Variants in CNTNAP2 observed in about 807,000 individuals in gnomAD.
CNTNAP2 encodes the protein contactin associated protein 2.
Under a neutral mutation model 155.2 loss-of-function variants are expected in CNTNAP2, and 98 were observed. The ratio of observed to expected loss-of-function variants is 0.63; its 90% CI spans 0.54 to 0.75. The LOEUF (loss-of-function observed/expected upper bound fraction) is 0.75. Among genes scored for constraint, CNTNAP2 ranks in the 30% least tolerant of loss-of-function variants. The pLI is 0.00. For synonymous variants in CNTNAP2, 651 were observed against 631.2 expected (o/e 1.03, Z -0.47); for missense variants, 1,727 against 1,688.1 (o/e 1.02, Z -0.40).
At chr7:146,190,177 A>T (rs1380762028) in intron 1 of CNTNAP2, among the ~76,000 whole-genome samples, 1 of 152,198 alleles carries the variant, frequency 6.6e-6, no homozygotes, top group East Asian at 1.9e-4. Flanking sequence ...GTTAATTAGG[A>T]GACTGAACAT....
intron 1 of CNTNAP2, among the ~76,000 whole-genome samples, chr7:146,349,264 A>G (rs939463797): frequency 1.4e-5 from 2 of 138,736 alleles, no homozygotes; most frequent in African/African-American, 6.8e-5. Context: ...GAGGTCATAC[A>G]TAGGTGTCCG....
chr7:146,947,455 T>TTTCTATATATATTGTATATATA, intron 3 of CNTNAP2, among the ~76,000 whole-genome samples: 1 of 143,446 alleles, frequency 7.0e-6, no homozygotes, highest in African/African-American at 2.6e-5. Flanking sequence ...CACATATATC[T>TTTCTATATATATTGTATATATA]TTCTATATAT....
intron 13 of CNTNAP2, among the ~76,000 whole-genome samples, chr7:147,866,318 T>C (rs1799226022): frequency 6.6e-6 from 1 of 152,212 alleles, no homozygotes; most frequent in Non-Finnish European, 1.5e-5. Flanking sequence ...TTCTATTTGC[T>C]GAGGAGTGTT....
At chr7:147,587,154 C>T (rs6967525) in intron 12 of CNTNAP2, among the ~76,000 whole-genome samples, 105,243 of 152,046 alleles carry the variant, frequency 0.69, 36,986 homozygotes, top group African/African-American at 0.81. Context: ...CCACAGCTAC[C>T]TCTTCATTAG....
intron 10 of CNTNAP2, among the ~76,000 whole-genome samples, chr7:147,397,875 C>G (rs1796845712): frequency 6.6e-6 from 1 of 151,564 alleles, no homozygotes; most frequent in African/African-American, 2.4e-5. Flanking sequence ...TTTAGGATGA[C>G]AAATGAAAAG....
intron 9 of CNTNAP2, among the ~76,000 whole-genome samples, chr7:147,340,501 C>T (rs1374900102): frequency 2.6e-5 from 4 of 152,118 alleles, no homozygotes; most frequent in Admixed American, 1.3e-4. Flanking sequence ...CTAGATGCTA[C>T]ATTTGCACAT....
intron 10 of CNTNAP2, among the ~76,000 whole-genome samples, chr7:147,464,832 C>T (rs1380803965): frequency 6.6e-6 from 1 of 152,302 alleles, no homozygotes; most frequent in East Asian, 1.9e-4. Flanking sequence ...AGATCTTCAA[C>T]CATATTCATA....
At chr7:147,242,318 C>T (rs1404006551) in intron 8 of CNTNAP2, among the ~76,000 whole-genome samples, 1 of 152,146 alleles carries the variant, frequency 6.6e-6, no homozygotes, top group African/African-American at 2.4e-5. Context: ...AAAAACATTT[C>T]CTTTGCCAAG....
rs138014299 is a variant in CNTNAP2 at position 147,606,812 on chromosome 7, C to G, written c.1898-32294C>G. Among the ~76,000 whole-genome samples, 1,276 of 152,156 alleles carry G rather than the reference C, an allele frequency of 8.4e-3. 10 individuals are homozygous for G. Among genetic ancestry groups the G allele is most frequent in the Non-Finnish European group, 0.014 (932 of 67,918 alleles). ...TTGGGAAGTGATTGGTATTTTCTGA[C>G]AAGTGCTTTGAAGCTGAGACCTAAG... is the stretch of plus-strand genomic sequence containing the variant. On this transcript the variant is annotated intron_variant, in intron 12 of 23. Transcript: ENST00000361727.
chr7:147,100,141 G>T (rs1156758997), intron 4 of CNTNAP2, among the ~76,000 whole-genome samples: 1 of 152,026 alleles, frequency 6.6e-6, no homozygotes, highest in African/African-American at 2.4e-5. Flanking sequence ...TGTGTATGGG[G>T]GGTGTATGTG....
chr7:148,227,452 G>A (rs1795873220), intron 19 of CNTNAP2, among the ~76,000 whole-genome samples: 1 of 152,156 alleles, frequency 6.6e-6, no homozygotes, highest in African/African-American at 2.4e-5. Context: ...TTAAAGAGGA[G>A]GCTGACTAAG....
In CNTNAP2 at chr7:147,902,792, G is replaced by GTGTGTGTGTGTA. The variant is rs1274450290; in HGVS notation, c.2099-762_2099-761insATGTGTGTGTGT. Among the ~76,000 whole-genome samples, 5 of 137,568 alleles carry GTGTGTGTGTGTA rather than the reference G, an allele frequency of 3.6e-5. No homozygotes were observed. The East Asian group carries it at 7.6e-4, about 21-fold the overall frequency. 90.2% of individuals were successfully genotyped at this position (137,568 alleles called of 152,430 possible). On this transcript the variant is annotated intron_variant, in intron 13 of 23. Transcript: ENST00000361727. The stretch of plus-strand genomic sequence containing the variant: ...ATCATATATGTTTGTGTGTGTGTGT[G>GTGTGTGTGTGTA]TGTGTGTGTGTGTGTGTGTGTATGT...
intron 2 of CNTNAP2, among the ~76,000 whole-genome samples, chr7:146,803,501 G>T (rs1802916802): frequency 6.6e-6 from 1 of 152,114 alleles, no homozygotes; most frequent in South Asian, 2.1e-4. Flanking sequence ...CAGCAATGGT[G>T]CATTTTCATC....
At chr7:147,789,902 CT>C (rs1204133207) in intron 13 of CNTNAP2, among the ~76,000 whole-genome samples, 1 of 152,194 alleles carries the variant, frequency 6.6e-6, no homozygotes, top group Non-Finnish European at 1.5e-5. Context: ...GTTCTGTCGG[CT>C]TTCCTACTTT....
At chr7:147,965,375 T>G (rs1357111675) in intron 14 of CNTNAP2, among the ~76,000 whole-genome samples, 1 of 151,950 alleles carries the variant, frequency 6.6e-6, no homozygotes, top group Non-Finnish European at 1.5e-5. Flanking sequence ...CTCCTCTAGT[T>G]TCTGCCCTAT....
chr7:146,230,186 A>T (rs531711614), intron 1 of CNTNAP2, among the ~76,000 whole-genome samples: 1 of 152,204 alleles, frequency 6.6e-6, no homozygotes, highest in African/African-American at 2.4e-5. Flanking sequence ...TGCCCTAACT[A>T]TAGGTAGGGA....
At chr7:146,469,360 T>C (rs577238920) in intron 1 of CNTNAP2, among the ~76,000 whole-genome samples, 1 of 151,202 alleles carries the variant, frequency 6.6e-6, no homozygotes, top group East Asian at 2.0e-4. Context: ...GAAGATACCC[T>C]GAGAAAATGT....
intron 1 of CNTNAP2, among the ~76,000 whole-genome samples, chr7:146,228,624 T>C (rs1200482911): frequency 6.6e-6 from 1 of 152,198 alleles, no homozygotes. Context: ...TACTACAGAA[T>C]TTTTCTTATA....
Position 147,562,176 on chromosome 7 carries a change from G to A in CNTNAP2, c.1816G>A (p.Gly606Arg). 5 of 1,613,998 alleles carry A rather than the reference G, an allele frequency of 3.1e-6. No homozygotes were observed. Among genetic ancestry groups the A allele is most frequent in the Non-Finnish European group, 4.2e-6 (5 of 1,179,910 alleles). The change falls in exon 12 of 24, where the codon GGA becomes AGA. Residue 606 changes from glycine to arginine, a missense_variant. Gly to Arg is a moderately radical substitution (Grantham distance 125). Transcript: ENST00000361727. ...EPSCEAYKHL[G>R]QTSNYYWIDP... ...TTCCTGTGAAGCCTACAAACACCTAGGACAGACATCAAATTATTACTGGAT... is the reference window on the plus strand; with the variant it reads ...TTCCTGTGAAGCCTACAAACACCTAAGACAGACATCAAATTATTACTGGAT...
Sources: allele counts gnomAD v4.1 joint callset (sites outside exome capture counted in the v4.1 genomes callset), GRCh38; gene constraint gnomAD v4.1.1; transcripts MANE v1.5; gene names NCBI Gene and HGNC (gene_info 2026-07-23, HGNC 2026-07-21).